SPDYA: variants seen among roughly 807,000 people sequenced by gnomAD.
SPDYA encodes speedy/RINGO cell cycle regulator family member A.
Under a neutral mutation model 36.7 loss-of-function variants are expected in SPDYA, and 11 were observed. That is an observed-to-expected ratio of 0.30 (90% CI 0.19 to 0.50). The LOEUF is 0.50. SPDYA is among the 20% of genes least tolerant of loss of function. The pLI, the probability that SPDYA is intolerant of heterozygous loss-of-function variation, is 0.98. For missense variants in SPDYA, 287 were observed against 370.9 expected, an observed-to-expected ratio of 0.77 and a Z score of 1.86; for synonymous variants, 115 against 118.7, an observed-to-expected ratio of 0.97 and a Z score of 0.20.
chr2:28,826,611 CTTTTTTTTTT>C (rs777338299), intron 5 of SPDYA, among the ~76,000 whole-genome samples: 6 of 75,348 alleles, frequency 8.0e-5, no homozygotes, highest in African/African-American at 3.0e-4. Flanking sequence ...TTCTTTCTCT[CTTTTTTTTTT>C]TTTTTTTTTT....
chr2:28,844,396 T>C (rs972899802), intron 7 of SPDYA, among the ~76,000 whole-genome samples: 17 of 152,216 alleles, frequency 1.1e-4, no homozygotes, highest in African/African-American at 3.9e-4. Flanking sequence ...GACTTACCTA[T>C]GGTTGCTATA....
At chr2:28,826,693 C>G (rs1310143499) in intron 5 of SPDYA, among the ~76,000 whole-genome samples, 2 of 126,994 alleles carry the variant, frequency 1.6e-5, no homozygotes, top group Non-Finnish European at 3.1e-5. Context: ...CAGCTCACTG[C>G]GATCTCCACC....
At chr2:28,818,128 T>C (rs1420792796) in intron 3 of SPDYA, among the ~76,000 whole-genome samples, 2 of 152,148 alleles carry the variant, frequency 1.3e-5, no homozygotes, top group East Asian at 3.9e-4. Flanking sequence ...ATCACGCCAC[T>C]GCACTCCAGC....
intron 5 of SPDYA, among the ~76,000 whole-genome samples, chr2:28,825,320 G>A (rs548192090): frequency 1.3e-5 from 2 of 151,700 alleles, no homozygotes; most frequent in Admixed American, 6.6e-5. Flanking sequence ...AATTGAATTC[G>A]TTTAACTTGT....
At chr2:28,826,989 T>A (rs1335183735) in intron 5 of SPDYA, among the ~76,000 whole-genome samples, 3 of 149,658 alleles carry the variant, frequency 2.0e-5, no homozygotes, top group African/African-American at 7.4e-5. Context: ...TCTCGCTCTG[T>A]CGCCCAAGCT....
intron 7 of SPDYA, among the ~76,000 whole-genome samples, chr2:28,844,730 T>A (rs1409487483): frequency 6.6e-6 from 1 of 152,014 alleles, no homozygotes; most frequent in East Asian, 1.9e-4. Flanking sequence ...GGTCAGGAGT[T>A]CGAGATCAGC....
At chr2:28,828,971 C>A (rs1668406842) in intron 5 of SPDYA, among the ~76,000 whole-genome samples, 177 bp from the exon 6 acceptor site, 1 of 152,194 alleles carries the variant, frequency 6.6e-6, no homozygotes, top group South Asian at 2.1e-4. Flanking sequence ...TAAGAAATAC[C>A]TAGAACCCAA....
intron 7 of SPDYA, 45 bp downstream of exon 7, chr2:28,840,514 T>C: frequency 1.2e-6 from 2 of 1,601,146 alleles, no homozygotes; most frequent in South Asian, 1.1e-5. Context: ...GCATGTTGTT[T>C]ACTGAGCTCT....
At chr2:28,835,202 C>T (rs1668564466) in intron 6 of SPDYA, among the ~76,000 whole-genome samples, 1 of 151,050 alleles carries the variant, frequency 6.6e-6, no homozygotes, top group Admixed American at 6.6e-5. Flanking sequence ...TCTGGGATTA[C>T]AGATGTGAGC....
chr2:28,819,820 TAAAAAAAAA>T (rs1174507151), intron 4 of SPDYA, among the ~76,000 whole-genome samples: 3 of 17,216 alleles, frequency 1.7e-4, no homozygotes, highest in African/African-American at 4.9e-4. Flanking sequence ...CCTGGTCTCT[TAAAAAAAAA>T]AAAAAAAAAA....
intron 4 of SPDYA, among the ~76,000 whole-genome samples, chr2:28,821,516 T>C (rs543849610): frequency 6.6e-6 from 1 of 152,232 alleles, no homozygotes; most frequent in South Asian, 2.1e-4. Context: ...TTTTAAACTT[T>C]ATGGTTTTAA....
intron 6 of SPDYA, among the ~76,000 whole-genome samples, chr2:28,836,387 T>C (rs986316676): frequency 6.6e-6 from 1 of 152,232 alleles, no homozygotes; most frequent in African/African-American, 2.4e-5. Flanking sequence ...ATGCAAAAAC[T>C]GTGGCTTAGT....
intron 2 of SPDYA, among the ~76,000 whole-genome samples, chr2:28,815,283 AACACACAC>A (rs55773017): frequency 0.074 from 10,092 of 136,876 alleles, 466 homozygotes; most frequent in Middle Eastern, 0.15. Flanking sequence ...CCCTGTCTGA[AACACACAC>A]ACACACACAC....
At chr2:28,817,179 T>G (rs1413871488) in intron 3 of SPDYA, among the ~76,000 whole-genome samples, 2 of 152,174 alleles carry the variant, frequency 1.3e-5, no homozygotes, top group African/African-American at 2.4e-5. Flanking sequence ...CAGAACAAAA[T>G]TATTACCTGC....
chr2:28,813,970 C>T (rs1241734071), intron 1 of SPDYA, among the ~76,000 whole-genome samples: 1 of 152,198 alleles, frequency 6.6e-6, no homozygotes, highest in Non-Finnish European at 1.5e-5. Flanking sequence ...AGTCTCAAGG[C>T]TCAATTTATC....
chr2:28,817,601 C>T lies in SPDYA; in HGVS notation c.235+1352C>T, dbSNP rs141657664. Reference sequence around the variant, plus strand: ...CTATAAATAGAATTAATGGGCCAGGCGCAGTGGCTCATTCCTGTAATCCCA... The same window carrying T: ...CTATAAATAGAATTAATGGGCCAGGTGCAGTGGCTCATTCCTGTAATCCCA... On this transcript the variant is annotated intron_variant, in intron 3 of 7. Transcript: ENST00000334056. Among the ~76,000 whole-genome samples, 714 of 151,400 alleles carry T rather than the reference C, an allele frequency of 4.7e-3. 6 individuals carry two copies. Among genetic ancestry groups the T allele is most frequent in the African/African-American group, 0.016 (661 of 41,216 alleles).
intron 3 of SPDYA, among the ~76,000 whole-genome samples, chr2:28,818,011 A>AG (rs1405981544): frequency 2.7e-5 from 4 of 150,386 alleles, no homozygotes; most frequent in Admixed American, 1.3e-4. Flanking sequence ...TACAAAAAAA[A>AG]AAAAATTTAT....
intron 6 of SPDYA, among the ~76,000 whole-genome samples, chr2:28,838,579 T>C (rs1668669634): frequency 6.6e-6 from 1 of 152,186 alleles, no homozygotes; most frequent in Non-Finnish European, 1.5e-5. Flanking sequence ...TGATTATATG[T>C]GTATAAAATA....
At chr2:28,812,700 T>TA (rs1167777091) in intron 1 of SPDYA, among the ~76,000 whole-genome samples, 2 of 151,374 alleles carry the variant, frequency 1.3e-5, no homozygotes, top group South Asian at 4.2e-4. Context: ...CTACTGAAAA[T>TA]ACGAAAATTA....
Sources: gnomAD v4.1 joint callset for allele counts (sites outside exome capture counted in the v4.1 genomes callset) on GRCh38, gnomAD v4.1.1 for gene constraint, MANE v1.5 for transcripts, NCBI Gene and HGNC (gene_info 2026-07-23, HGNC 2026-07-21) for gene names.